VWA8: variants seen among roughly 807,000 people sequenced by gnomAD.
The protein encoded by VWA8 is von Willebrand factor A domain containing 8, also known as von Willebrand factor A domain-containing protein 8.
A neutral mutation model predicts 241.5 loss-of-function variants in VWA8; 221 were observed. The observed-to-expected ratio is 0.91, with a 90% CI of 0.82 to 1.02. The LOEUF is 1.02. Ranked by LOEUF, VWA8 falls within the 50% of genes least tolerant of loss-of-function variation. The pLI, the probability that VWA8 is intolerant of heterozygous loss-of-function variation, is 0.00. For synonymous variants in VWA8, 852 were observed against 827.1 expected, an observed-to-expected ratio of 1.03 and a Z score of -0.52; for missense variants, 2,322 against 2,328.7, an observed-to-expected ratio of 1.00 and a Z score of 0.06.
intron 1 of VWA8, among the ~76,000 whole-genome samples, chr13:41,960,485 T>G (rs1433200720): frequency 1.3e-5 from 2 of 152,074 alleles, no homozygotes; most frequent in Admixed American, 6.6e-5. Context: ...GAGAGCAAGG[T>G]CAAATCCAGC....
intron 4 of VWA8, among the ~76,000 whole-genome samples, chr13:41,894,823 C>A (rs1875019572): frequency 6.6e-6 from 1 of 152,126 alleles, no homozygotes; most frequent in African/African-American, 2.4e-5. Context: ...CTGAGATGGG[C>A]ACAACATCAC....
chr13:41,761,052 T>C, intron 21 of VWA8, 76 bp downstream of exon 21: 1 of 1,452,702 alleles, frequency 6.9e-7, no homozygotes, highest in Non-Finnish European at 9.4e-7. Context: ...TCTAAGAAAG[T>C]ATTTTTAAAT....
intron 37 of VWA8, among the ~76,000 whole-genome samples, chr13:41,660,973 C>G (rs1249691520): frequency 6.6e-6 from 1 of 151,192 alleles, no homozygotes; most frequent in African/African-American, 2.4e-5. Context: ...TCAAGCGATT[C>G]TCCTGCTTCA....
rs531656048 is a variant in VWA8, at chr13:41,673,524, G to T, written c.4409+1691C>A. 5.9e-5 allele frequency among the ~76,000 whole-genome samples: 9 copies of T among 152,222 alleles called. No individual in the cohort carries two copies. The East Asian group carries it at 1.5e-3, about 26-fold the overall frequency. ...ACAGACTCTTGACACTTGAAATGTG[G>T]CAAGTCCAAATGGAGATGTGCTTTA... On this transcript the variant is annotated intron_variant, in intron 36 of 44. Coordinates refer to ENST00000379310, the MANE Select transcript of VWA8 (RefSeq NM_015058.2).
intron 9 of VWA8, among the ~76,000 whole-genome samples, chr13:41,881,695 A>G (rs1874205593): frequency 6.9e-6 from 1 of 144,494 alleles, no homozygotes; most frequent in African/African-American, 2.6e-5. Context: ...GGCGCCCCTC[A>G]CCTCCCGGAC....
chr13:41,863,433 G>GTGTGTA (rs1381680626), intron 12 of VWA8, among the ~76,000 whole-genome samples: 1 of 69,812 alleles, frequency 1.4e-5, no homozygotes, highest in Non-Finnish European at 2.9e-5. Flanking sequence ...GTGTGTGTGT[G>GTGTGTA]TATATATATA....
At chr13:41,875,915 T>C (rs945483468) in intron 9 of VWA8, among the ~76,000 whole-genome samples, 3 of 152,066 alleles carry the variant, frequency 2.0e-5, no homozygotes, top group Admixed American at 6.6e-5. Context: ...AAATCAAATA[T>C]GTCCAATACT....
At chr13:41,728,584 T>TA (rs1239650769) in intron 23 of VWA8, among the ~76,000 whole-genome samples, 4 of 151,846 alleles carry the variant, frequency 2.6e-5, no homozygotes, top group Non-Finnish European at 5.9e-5. Flanking sequence ...TAATGCCTCA[T>TA]AAGGGCAGGC....
At chr13:41,777,911 CAAG>C (rs2137928968) in intron 20 of VWA8, 71 bp downstream of exon 20, 1 of 1,308,768 alleles carries the variant, frequency 7.6e-7, no homozygotes, top group East Asian at 2.4e-5. Flanking sequence ...CTGATTCCAA[CAAG>C]AAGAAACTTA....
rs1875914463 is a variant in VWA8, at chr13:41,909,961, G to A, written c.372+2077C>T. On this transcript the variant is annotated intron_variant, in intron 3 of 44. Transcript: ENST00000379310. ...GCCTTTAAAGATCTCATCCACTCTG[G>A]CTATCACTATACATAGGCTGTTATT... 2.0e-5 allele frequency among the ~76,000 whole-genome samples: 3 copies of A among 152,070 alleles called. 1 individual carries two copies. In the South Asian group the frequency reaches 6.2e-4, roughly 32 times the overall value.
At chr13:41,574,521 T>A (rs1449687085) in intron 43 of VWA8, among the ~76,000 whole-genome samples, 2 of 152,168 alleles carry the variant, frequency 1.3e-5, no homozygotes, top group African/African-American at 4.8e-5. Context: ...AGGTTCAGTG[T>A]AATTCCCATC....
intron 2 of VWA8, among the ~76,000 whole-genome samples, chr13:41,933,770 A>C (rs917647552): frequency 3.9e-5 from 6 of 151,996 alleles, no homozygotes; most frequent in African/African-American, 1.4e-4. Flanking sequence ...GCAAAAAATA[A>C]ACTTTGACCC....
At chr13:41,918,048 A>G (rs989510027) in intron 2 of VWA8, among the ~76,000 whole-genome samples, 4 of 152,234 alleles carry the variant, frequency 2.6e-5, no homozygotes, top group Non-Finnish European at 5.9e-5. Context: ...ATTTAGCACC[A>G]AAGTCCTCAT....
intron 21 of VWA8, among the ~76,000 whole-genome samples, chr13:41,737,737 T>C (rs1413111820): frequency 6.6e-6 from 1 of 152,224 alleles, no homozygotes; most frequent in Non-Finnish European, 1.5e-5. Context: ...TTTGACATGA[T>C]GGGTATGTTA....
intron 39 of VWA8, among the ~76,000 whole-genome samples, chr13:41,607,040 A>G (rs973952911): frequency 6.6e-6 from 1 of 152,222 alleles, no homozygotes; most frequent in Non-Finnish European, 1.5e-5. Flanking sequence ...GAGATCTTGT[A>G]TACACAAATG....
At position 41,941,542 on chromosome 13, in the gene VWA8, C is replaced by T. The variant is rs560645751; in HGVS notation, c.241+8394G>A. On this transcript the variant is annotated intron_variant, in intron 2 of 44. Coordinates refer to ENST00000379310, the MANE Select transcript of VWA8 (RefSeq NM_015058.2). ...CCTGCAAACAACCTAAATTAAAAAT[C>T]AAATTTAGATGAAATGCATACAGAA... 1.2e-3 allele frequency among the ~76,000 whole-genome samples: 186 copies of T among 152,258 alleles called. 1 individual carries two copies. Among genetic ancestry groups the T allele is most frequent in the African/African-American group, 4.3e-3 (179 of 41,558 alleles).
chr13:41,734,584 A>G (rs756010398), intron 21 of VWA8, among the ~76,000 whole-genome samples: 5 of 152,128 alleles, frequency 3.3e-5, no homozygotes, highest in Non-Finnish European at 7.3e-5. Context: ...TTTGTAGACT[A>G]TTTGCCTTAT....
At chr13:41,879,288 A>G (rs1469360917) in intron 9 of VWA8, among the ~76,000 whole-genome samples, 1 of 151,648 alleles carries the variant, frequency 6.6e-6, no homozygotes, top group Non-Finnish European at 1.5e-5. Context: ...CCATTTCCAC[A>G]TGGTTCTTAA....
chr13:41,708,221 C>T (rs1379434260), intron 26 of VWA8, among the ~76,000 whole-genome samples: 1 of 151,964 alleles, frequency 6.6e-6, no homozygotes, highest in Non-Finnish European at 1.5e-5. Context: ...ATTAGCCAGG[C>T]GTGGTGGCGC....
Sources: allele counts gnomAD v4.1 joint callset (sites outside exome capture counted in the v4.1 genomes callset), GRCh38; gene constraint gnomAD v4.1.1; transcripts MANE v1.5; gene names NCBI Gene and HGNC (gene_info 2026-07-23, HGNC 2026-07-21).